CAST: variants seen among roughly 807,000 people sequenced by gnomAD.
CAST encodes calpastatin.
CAST carries 76 observed loss-of-function variants against 119.6 expected under a neutral mutation model. That is an observed-to-expected ratio of 0.64 (90% CI 0.53 to 0.77). CAST has a LOEUF of 0.77. Among genes scored for constraint, CAST ranks in the 30% least tolerant of loss-of-function variants. CAST has a pLI of 0.00. For synonymous variants in CAST, 319 were observed against 331.6 expected (o/e 0.96, Z 0.41); for missense variants, 953 against 946.5 (o/e 1.01, Z -0.09).
the CAST span, among the ~76,000 whole-genome samples, chr5:96,486,217 G>A: frequency 4.6e-5 from 7 of 152,126 alleles, no homozygotes; most frequent in Non-Finnish European, 8.8e-5. Context: ...GTGCACTAGA[G>A]CACCAAAGAG....
At chr5:96,477,351 A>G in the CAST span, among the ~76,000 whole-genome samples, 1,303 of 139,292 alleles carry the variant, frequency 9.4e-3, 23 homozygotes, top group African/African-American at 0.031. Flanking sequence ...CTGGTCTCTC[A>G]TGTGTGTGTG....
At chr5:96,281,195 A>C in the CAST span, among the ~76,000 whole-genome samples, 1,212 of 152,266 alleles carry the variant, frequency 8.0e-3, 14 homozygotes, top group African/African-American at 0.026. Context: ...CTGGACTTTT[A>C]TTGTTGTTGT....
chr5:96,469,513 G>A, the CAST span, among the ~76,000 whole-genome samples: 1 of 151,910 alleles, frequency 6.6e-6, no homozygotes, highest in East Asian at 1.9e-4. Context: ...TGCATTTTTA[G>A]AAAACTTGAT....
At chr5:96,744,483 C>G (rs536972695) in intron 16 of CAST, among the ~76,000 whole-genome samples, 34 of 152,238 alleles carry the variant, frequency 2.2e-4, no homozygotes, top group South Asian at 6.2e-4. Context: ...AGCTCCGCCC[C>G]CATGATTCAA....
chr5:96,071,631 G>A, the CAST span, among the ~76,000 whole-genome samples: 1 of 152,012 alleles, frequency 6.6e-6, no homozygotes, highest in African/African-American at 2.4e-5. Flanking sequence ...ACTTTTCTTT[G>A]CTTGTCTCTC....
intron 3 of CAST, among the ~76,000 whole-genome samples, chr5:96,721,921 G>A (rs1220882410): frequency 6.6e-6 from 1 of 152,104 alleles, no homozygotes; most frequent in Non-Finnish European, 1.5e-5. Context: ...CTAAGGAAGA[G>A]CCTAGATGAG....
At chr5:96,447,438 G>A in the CAST span, among the ~76,000 whole-genome samples, 1 of 152,132 alleles carries the variant, frequency 6.6e-6, no homozygotes, top group Non-Finnish European at 1.5e-5. Context: ...CATATACCCA[G>A]CACACACAAG....
At chr5:96,200,646 T>C in the CAST span, among the ~76,000 whole-genome samples, 2 of 152,176 alleles carry the variant, frequency 1.3e-5, no homozygotes, top group African/African-American at 2.4e-5. Context: ...TGCTTCTTCT[T>C]ATACTGTGTT....
At chr5:96,405,787 T>A in the CAST span, among the ~76,000 whole-genome samples, 44,164 of 152,022 alleles carry the variant, frequency 0.29, 7,477 homozygotes, top group Admixed American at 0.42. Context: ...TTTCAGCTCT[T>A]ACATAAAATT....
the CAST span, among the ~76,000 whole-genome samples, chr5:96,196,677 A>G: frequency 3.9e-5 from 6 of 152,208 alleles, no homozygotes; most frequent in African/African-American, 9.6e-5. Context: ...CACCGTTACA[A>G]TAAAAAAGTG....
chr5:96,125,412 C>A, the CAST span, among the ~76,000 whole-genome samples: 1 of 152,052 alleles, frequency 6.6e-6, no homozygotes, highest in African/African-American at 2.4e-5. Context: ...AAGGTTAGCT[C>A]TTTAAAGTTC....
chr5:96,129,072 A>G, the CAST span, among the ~76,000 whole-genome samples: 1 of 152,102 alleles, frequency 6.6e-6, no homozygotes, highest in African/African-American at 2.4e-5. Context: ...AGACTGAGCT[A>G]CCTAGCAATA....
chr5:96,016,404 T>C, the CAST span, among the ~76,000 whole-genome samples: 2 of 152,324 alleles, frequency 1.3e-5, no homozygotes, highest in Admixed American at 6.5e-5. Context: ...TCATACATTA[T>C]GTTTATCATA....
the CAST span, among the ~76,000 whole-genome samples, chr5:96,478,407 A>C: frequency 2.0e-5 from 3 of 152,358 alleles, no homozygotes; most frequent in African/African-American, 7.2e-5. Context: ...CATATTGACC[A>C]AACTATAGGA....
At chr5:96,140,539 T>A in the CAST span, among the ~76,000 whole-genome samples, 1 of 152,200 alleles carries the variant, frequency 6.6e-6, no homozygotes, top group African/African-American at 2.4e-5. Flanking sequence ...GTTTTTAGAG[T>A]TAGATAAATG....
chr5:96,319,849 T>C, the CAST span, among the ~76,000 whole-genome samples: 1 of 151,806 alleles, frequency 6.6e-6, no homozygotes, highest in Non-Finnish European at 1.5e-5. Context: ...CCAGATAAAA[T>C]TTCCATCAAT....
intron 3 of CAST, among the ~76,000 whole-genome samples, chr5:96,701,844 C>T (rs1377631648): frequency 6.6e-6 from 1 of 151,288 alleles, no homozygotes; most frequent in Non-Finnish European, 1.5e-5. Context: ...GTCTTCTGCT[C>T]TGGAAATGTT....
At chr5:96,682,988 C>G (rs554562566) in intron 2 of CAST, among the ~76,000 whole-genome samples, 2 of 152,208 alleles carry the variant, frequency 1.3e-5, no homozygotes, top group East Asian at 3.9e-4. Flanking sequence ...CCACACCCTG[C>G]CCACTCCACT....
At chr5:96,070,863 G>A in the CAST span, among the ~76,000 whole-genome samples, 1 of 152,318 alleles carries the variant, frequency 6.6e-6, no homozygotes, top group East Asian at 1.9e-4. Flanking sequence ...AGGGCAGGTG[G>A]AAGAGGAGGA....
Sources: gnomAD v4.1 joint callset for allele counts (sites outside exome capture counted in the v4.1 genomes callset) on GRCh38, gnomAD v4.1.1 for gene constraint, MANE v1.5 for transcripts, NCBI Gene and HGNC (gene_info 2026-07-23, HGNC 2026-07-21) for gene names.